Variants in ELF2 observed in about 807,000 individuals in gnomAD.
The protein encoded by ELF2 is ETS-related transcription factor Elf-2.
ELF2 carries 11 observed loss-of-function variants against 54.8 expected under a neutral mutation model. The ratio of observed to expected loss-of-function variants is 0.20; its 90% CI spans 0.13 to 0.33. The LOEUF (loss-of-function observed/expected upper bound fraction) is 0.33, where lower values mean the gene tolerates loss of function less well. Ranked by LOEUF, ELF2 falls within the 10% of genes least tolerant of loss-of-function variation. ELF2 has a pLI of 1.00. For synonymous variants in ELF2, 203 were observed against 245.1 expected (o/e 0.83, Z 1.61); for missense variants, 513 against 703.0 (o/e 0.73, Z 3.06).
Position 139,079,516 on chromosome 4 carries a change from G to A in ELF2, c.239-5949C>T, listed in dbSNP as rs192610079. 2.6e-3 allele frequency among the ~76,000 whole-genome samples: 402 copies of A among 152,296 alleles called. 1 individual carries two copies. Among genetic ancestry groups the A allele is most frequent in the African/African-American group, 9.1e-3 (379 of 41,558 alleles). ...TCAGAGAGTTTGGTTTTTGAGAAGC[G>A]CAGCTGTAATTCATCAACTGTAATT... On this transcript the variant is annotated intron_variant, in intron 4 of 9. Coordinates refer to ENST00000686138, the MANE Select transcript of ELF2 (RefSeq NM_001331036.3).
chr4:139,094,475 T>C (rs1329877807), intron 4 of ELF2, among the ~76,000 whole-genome samples: 1 of 152,118 alleles, frequency 6.6e-6, no homozygotes, highest in African/African-American at 2.4e-5. Flanking sequence ...ACTGAGTAAG[T>C]AGAAAGGTAA....
intron 1 of ELF2, among the ~76,000 whole-genome samples, chr4:139,176,508 C>G (rs1247292587): frequency 6.6e-6 from 1 of 152,142 alleles, no homozygotes; most frequent in Admixed American, 6.5e-5. Flanking sequence ...CACAAACCCT[C>G]CCAGGACGCG....
intron 6 of ELF2, among the ~76,000 whole-genome samples, chr4:139,069,787 G>A (rs187046626): frequency 2.6e-4 from 39 of 151,854 alleles, no homozygotes; most frequent in African/African-American, 8.9e-4. Flanking sequence ...TATAAATAAC[G>A]ATACTCTTAT....
chr4:139,064,645 C>T (rs1159815498), intron 7 of ELF2, among the ~76,000 whole-genome samples: 1 of 152,066 alleles, frequency 6.6e-6, no homozygotes. Flanking sequence ...TTTGGGAGGC[C>T]GTGGCGGGCG....
chr4:139,170,116 C>A (rs1170574003), intron 1 of ELF2, among the ~76,000 whole-genome samples: 1 of 151,964 alleles, frequency 6.6e-6, no homozygotes, highest in Admixed American at 6.6e-5. Context: ...TATAAAACTT[C>A]TAGAAAGCAG....
At chr4:139,141,533 T>C (rs1015705581) in intron 1 of ELF2, among the ~76,000 whole-genome samples, 2 of 152,192 alleles carry the variant, frequency 1.3e-5, no homozygotes, top group African/African-American at 4.8e-5. Context: ...GAGAAGACAG[T>C]TGTGAAGGGA....
At chr4:139,134,980 A>C (rs1737980886) in intron 3 of ELF2, among the ~76,000 whole-genome samples, 1 of 152,030 alleles carries the variant, frequency 6.6e-6, no homozygotes, top group Admixed American at 6.6e-5. Flanking sequence ...TACTCATTAT[A>C]GTTTACTATT....
At chr4:139,130,452 A>C (rs1737377490) in intron 3 of ELF2, among the ~76,000 whole-genome samples, 1 of 152,242 alleles carries the variant, frequency 6.6e-6, no homozygotes, top group Non-Finnish European at 1.5e-5. Context: ...GAACATTTCC[A>C]AGACTTTTGC....
At chr4:139,158,766 T>C (rs1302668213) in intron 1 of ELF2, among the ~76,000 whole-genome samples, 2 of 151,910 alleles carry the variant, frequency 1.3e-5, no homozygotes, top group African/African-American at 4.8e-5. Flanking sequence ...AATTAGAGAG[T>C]TTCCAAGGGA....
chr4:139,170,397 G>A (rs1326679247), intron 1 of ELF2, among the ~76,000 whole-genome samples: 5 of 150,496 alleles, frequency 3.3e-5, no homozygotes, highest in Admixed American at 1.3e-4. Context: ...CTAAGTAGCT[G>A]GGGCTACAGG....
At chr4:139,176,014 A>G (rs1471110971) in intron 1 of ELF2, among the ~76,000 whole-genome samples, 1 of 152,222 alleles carries the variant, frequency 6.6e-6, no homozygotes, top group East Asian at 1.9e-4. Flanking sequence ...ATGGAGCAGA[A>G]GAGAGGGCTC....
intron 4 of ELF2, 92 bp from the exon 5 acceptor site, chr4:139,073,659 G>T: frequency 1.7e-6 from 1 of 582,970 alleles, no homozygotes; most frequent in Non-Finnish European, 2.7e-6. Flanking sequence ...ACTCCTGAAA[G>T]AGAAATGAAA....
chr4:139,132,857 T>C (rs1431054506), intron 3 of ELF2, among the ~76,000 whole-genome samples: 1 of 138,630 alleles, frequency 7.2e-6, no homozygotes, highest in African/African-American at 2.8e-5. Context: ...TATATATATA[T>C]ATATATATAT....
At chr4:139,104,508 C>CAAAAAAAAAA (rs34642901) in intron 4 of ELF2, among the ~76,000 whole-genome samples, 18 of 76,448 alleles carry the variant, frequency 2.4e-4, no homozygotes, top group East Asian at 9.7e-4. Flanking sequence ...GACTCTGTCT[C>CAAAAAAAAAA]AAAAAAAAAA....
At chr4:139,131,647 G>A (rs1737497819) in intron 3 of ELF2, among the ~76,000 whole-genome samples, 1 of 152,080 alleles carries the variant, frequency 6.6e-6, no homozygotes, top group Non-Finnish European at 1.5e-5. Context: ...ATGCCGTTTG[G>A]CAGGCTTTAG....
chr4:139,156,697 T>G (rs1391167588), intron 1 of ELF2, among the ~76,000 whole-genome samples: 1 of 152,030 alleles, frequency 6.6e-6, no homozygotes, highest in Non-Finnish European at 1.5e-5. Context: ...TGGAGTGCAG[T>G]GGTGCCATCT....
At chr4:139,067,532 A>T (rs946822282) in intron 7 of ELF2, 152 bp downstream of exon 7, 2 of 693,326 alleles carry the variant, frequency 2.9e-6, no homozygotes, top group African/African-American at 3.6e-5. Context: ...AAAGCTCCCC[A>T]CGTGATGCTG....
chr4:139,080,157 G>C (rs1730896789), intron 4 of ELF2, among the ~76,000 whole-genome samples: 1 of 152,140 alleles, frequency 6.6e-6, no homozygotes, highest in Admixed American at 6.5e-5. Flanking sequence ...TTCTAAAATA[G>C]TTTTATGTTG....
At chr4:139,077,338 G>A (rs750499750) in intron 4 of ELF2, among the ~76,000 whole-genome samples, 2 of 152,092 alleles carry the variant, frequency 1.3e-5, no homozygotes, top group South Asian at 2.1e-4. Context: ...AGCATTAAAT[G>A]GAAGATATTT....
Sources: allele counts gnomAD v4.1 joint callset (sites outside exome capture counted in the v4.1 genomes callset), GRCh38; gene constraint gnomAD v4.1.1; transcripts MANE v1.5; gene names NCBI Gene and HGNC (gene_info 2026-07-23, HGNC 2026-07-21).